Variants in ATRNL1 observed in about 807,000 individuals in gnomAD.
ATRNL1 encodes the protein attractin-like protein 1.
A neutral mutation model predicts 182.7 loss-of-function variants in ATRNL1; 95 were observed. The observed-to-expected ratio is 0.52, with a 90% CI of 0.44 to 0.62. The LOEUF is 0.62. ATRNL1 is among the 20% of genes least tolerant of loss of function. ATRNL1 has a pLI of 0.00. For missense variants in ATRNL1, 1,471 were observed against 1,679.5 expected (o/e 0.88, Z 2.17); for synonymous variants, 576 against 568.3 (o/e 1.01, Z -0.19).
intron 21 of ATRNL1, among the ~76,000 whole-genome samples, chr10:115,453,809 AG>A (rs1170329851): frequency 1.8e-5 from 1 of 55,494 alleles, no homozygotes; most frequent in Non-Finnish European, 3.5e-5. Flanking sequence ...GGGTTGGGGG[AG>A]GGGGGAGGGA....
At chr10:115,728,584 C>T (rs1555061468) in intron 27 of ATRNL1, among the ~76,000 whole-genome samples, 1 of 151,936 alleles carries the variant, frequency 6.6e-6, no homozygotes, top group Non-Finnish European at 1.5e-5. Context: ...CATTCAAAAA[C>T]CTAGGTATAC....
At chr10:115,863,148 C>G (rs1555103842) in intron 28 of ATRNL1, among the ~76,000 whole-genome samples, 1 of 152,102 alleles carries the variant, frequency 6.6e-6, no homozygotes, top group Admixed American at 6.6e-5. Flanking sequence ...TCTGAGTACA[C>G]TTTTGTATAT....
chr10:115,209,826 A>G (rs1848952562), intron 8 of ATRNL1, among the ~76,000 whole-genome samples: 1 of 152,024 alleles, frequency 6.6e-6, no homozygotes, highest in Non-Finnish European at 1.5e-5. Flanking sequence ...TAAGAAGAAT[A>G]TAATGAGAAT....
intron 28 of ATRNL1, among the ~76,000 whole-genome samples, chr10:115,869,964 CTTTTTTTTTTT>C (rs150345069): frequency 2.8e-5 from 2 of 71,690 alleles, no homozygotes; most frequent in Non-Finnish European, 4.7e-5. Flanking sequence ...GTTCCCAGAC[CTTTTTTTTTTT>C]TTTTTTTTTT....
intron 27 of ATRNL1, among the ~76,000 whole-genome samples, chr10:115,763,267 C>T (rs1948777057): frequency 6.6e-6 from 1 of 152,064 alleles, no homozygotes; most frequent in Non-Finnish European, 1.5e-5. Flanking sequence ...GAATTGGAAA[C>T]ATGAATATAA....
Position 115,800,961 on chromosome 10 carries a change from C to G in ATRNL1, c.3904-46916C>G, listed in dbSNP as rs1335941492. ...CAGGTGAAAACTGTAACTTGTTATT[C>G]TCTAAGGAAAATACAGGTCTTCTTC... On this transcript the variant is annotated intron_variant, in intron 27 of 28. Coordinates refer to ENST00000355044, the MANE Select transcript of ATRNL1 (RefSeq NM_207303.4). Among the ~76,000 whole-genome samples, 3 of 152,190 alleles carry G rather than the reference C, an allele frequency of 2.0e-5. No individual in the cohort carries two copies. In the South Asian group the frequency reaches 6.2e-4, roughly 31 times the overall value.
chr10:115,722,261 GA>G (rs35923782), intron 26 of ATRNL1, among the ~76,000 whole-genome samples: 55,702 of 149,752 alleles, frequency 0.37, 10,997 homozygotes, highest in Admixed American at 0.54. Flanking sequence ...TAAAAGCCTA[GA>G]AAAAAAAATA....
intron 14 of ATRNL1, among the ~76,000 whole-genome samples, chr10:115,283,110 C>CAAAA (rs1852447297): frequency 3.3e-5 from 5 of 152,004 alleles, no homozygotes; most frequent in Admixed American, 3.3e-4. Flanking sequence ...CAAAATTATT[C>CAAAA]TGCCTTTAAA....
chr10:115,942,497 C>T (rs1288092500), intron 28 of ATRNL1, among the ~76,000 whole-genome samples: 1 of 152,234 alleles, frequency 6.6e-6, no homozygotes, highest in Non-Finnish European at 1.5e-5. Context: ...CAACACTGCA[C>T]TAGGCTAGTT....
chr10:115,324,010 C>A (rs1030904107), intron 18 of ATRNL1, among the ~76,000 whole-genome samples: 35 of 151,920 alleles, frequency 2.3e-4, no homozygotes, highest in African/African-American at 8.0e-4. Flanking sequence ...ATCTCCTGAC[C>A]TCGTGATCTG....
intron 27 of ATRNL1, among the ~76,000 whole-genome samples, chr10:115,798,850 G>A (rs1476983483): frequency 7.1e-5 from 10 of 141,462 alleles, no homozygotes; most frequent in South Asian, 4.5e-4. Flanking sequence ...TTTTTGAGTC[G>A]GAGCCTCGCT....
chr10:115,270,121 A>T (rs956140951), intron 13 of ATRNL1, among the ~76,000 whole-genome samples: 3 of 151,140 alleles, frequency 2.0e-5, no homozygotes, highest in Non-Finnish European at 2.9e-5. Context: ...GAGTTATTTT[A>T]GTAGAAGTCG....
chr10:115,154,479 A>G (rs1592179560), intron 5 of ATRNL1, among the ~76,000 whole-genome samples: 1 of 152,110 alleles, frequency 6.6e-6, no homozygotes. Flanking sequence ...AAAGGATACC[A>G]TTCTTCGAAG....
intron 24 of ATRNL1, among the ~76,000 whole-genome samples, chr10:115,475,350 G>A (rs1288628627): frequency 1.3e-5 from 2 of 151,220 alleles, no homozygotes; most frequent in East Asian, 1.9e-4. Flanking sequence ...TGATAATTAG[G>A]CAGCTAATAT....
intron 21 of ATRNL1, among the ~76,000 whole-genome samples, chr10:115,439,224 TC>T: frequency 6.6e-6 from 1 of 151,984 alleles, no homozygotes; most frequent in East Asian, 1.9e-4. Context: ...GGGTTGGTCT[TC>T]CTGTCTCAGA....
chr10:115,362,158 T>A (rs1449998334), intron 19 of ATRNL1, among the ~76,000 whole-genome samples: 1 of 152,032 alleles, frequency 6.6e-6, no homozygotes, highest in East Asian at 1.9e-4. Flanking sequence ...AATCTAGGGC[T>A]TTTTTGTGAG....
intron 25 of ATRNL1, among the ~76,000 whole-genome samples, chr10:115,521,938 T>C (rs1345383289): frequency 6.6e-6 from 1 of 152,204 alleles, no homozygotes; most frequent in East Asian, 1.9e-4. Flanking sequence ...AATCAGGCCA[T>C]TTTTACTGTT....
intron 27 of ATRNL1, among the ~76,000 whole-genome samples, chr10:115,751,787 A>T (rs1344455915): frequency 6.6e-6 from 1 of 152,094 alleles, no homozygotes; most frequent in East Asian, 1.9e-4. Flanking sequence ...AATGTATGTT[A>T]CTATTTGACG....
intron 24 of ATRNL1, among the ~76,000 whole-genome samples, chr10:115,503,189 ATTAATT>A (rs1274340866): frequency 6.6e-6 from 1 of 152,198 alleles, no homozygotes; most frequent in African/African-American, 2.4e-5. Context: ...AATTAAAAAA[ATTAATT>A]TTAGTTATTT....
Sources: allele counts gnomAD v4.1 joint callset (sites outside exome capture counted in the v4.1 genomes callset), GRCh38; gene constraint gnomAD v4.1.1; transcripts MANE v1.5; gene names NCBI Gene and HGNC (gene_info 2026-07-23, HGNC 2026-07-21).